The following AUNIP variants were observed in gnomAD, a reference collection of about 807,000 sequenced individuals.
AUNIP encodes aurora kinase A- and ninein-interacting protein.
Under a neutral mutation model 12.2 loss-of-function variants are expected in AUNIP, and 16 were observed. That is an observed-to-expected ratio of 1.31 (90% confidence interval 0.88 to 1.99). The LOEUF (loss-of-function observed/expected upper bound fraction) is 1.99. AUNIP is among the 30% of genes most tolerant of loss of function. AUNIP has a pLI of 0.00. For missense variants in AUNIP, 411 were observed against 419.1 expected (o/e 0.98, Z 0.17); for synonymous variants, 142 against 154.8 (o/e 0.92, Z 0.61).
chr1:25,835,773 T>G lies in AUNIP; in HGVS notation c.294A>C (p.Lys98Asn), dbSNP rs2048298037. 6.2e-7 allele frequency: 1 copy of G among 1,614,114 alleles called. No homozygotes were observed. Among genetic ancestry groups the G allele is most frequent in the African/African-American group, 1.3e-5 (1 of 74,938 alleles). The change falls in exon 3 of 3, where the codon AAA (lysine) becomes AAC (asparagine). Residue 98 changes from lysine (K) to asparagine (N), a missense_variant. Lys to Asn is a moderately conservative substitution (Grantham distance 94). Coordinates refer to ENST00000374298, the MANE Select transcript of AUNIP (RefSeq NM_024037.3). ...TESQINKESK[K>N]NATQLDHLIP... ...TCAAATGGTCTAGCTGGGTCGCATT[T>G]TTCTTGGACTCTTTGTTGATCTGAC...
At chr1:25,850,489 G>A (rs2048418265) in intron 1 of AUNIP, among the ~76,000 whole-genome samples, 1 of 152,120 alleles carries the variant, frequency 6.6e-6, no homozygotes. Context: ...TGTTGATAAG[G>A]ACTGCACTGA....
At chr1:25,854,609 AAG>A (rs149989878) in intron 1 of AUNIP, among the ~76,000 whole-genome samples, 2,578 of 152,294 alleles carry the variant, frequency 0.017, 74 homozygotes, top group African/African-American at 0.059. Context: ...TATGTTCAAA[AAG>A]GGGGAGATAA....
At position 25,835,599 on chromosome 1, in the gene AUNIP, G is replaced by A. The variant is rs1406871886; in HGVS notation, c.468C>T (p.Leu156=). 6.2e-7 allele frequency: 1 copy of A among 1,614,212 alleles called. No homozygotes were observed. The highest frequency in any genetic ancestry group is 1.1e-5 in the South Asian group (1 of 91,084). The change falls in exon 3 of 3, where the codon CTC becomes CTT. Residue 156 remains leucine (L), a synonymous_variant. Transcript: ENST00000374298. ...KTPFSTELSL[L]QPDTPDCAGD... Reference sequence around the variant, plus strand: ...CAGCACAGTCTGGAGTATCAGGCTGGAGCAAAGATAGCTCAGTTGAAAATG... The same window carrying A: ...CAGCACAGTCTGGAGTATCAGGCTGAAGCAAAGATAGCTCAGTTGAAAATG...
At chr1:25,853,299 T>A (rs368472072) in intron 1 of AUNIP, among the ~76,000 whole-genome samples, 2 of 152,308 alleles carry the variant, frequency 1.3e-5, no homozygotes, top group East Asian at 3.9e-4. Context: ...CTTAGAAGCT[T>A]AAAACAATAA....
chr1:25,844,124 T>C (rs1321078791), intron 1 of AUNIP, among the ~76,000 whole-genome samples: 2 of 152,208 alleles, frequency 1.3e-5, no homozygotes, highest in Non-Finnish European at 2.9e-5. Flanking sequence ...TATTTATTTA[T>C]GTAGACAGTT....
chr1:25,834,982 G>C lies in AUNIP; in HGVS notation c.*11C>G. 1 of 1,595,028 alleles carries C rather than the reference G, an allele frequency of 6.3e-7. No individual in the cohort carries two copies. The highest frequency in any genetic ancestry group is 8.5e-7 in the Non-Finnish European group (1 of 1,170,460). On this transcript the variant is annotated 3_prime_UTR_variant, in exon 3 of 3. Coordinates refer to ENST00000374298, the MANE Select transcript of AUNIP (RefSeq NM_024037.3). ...ATTTCAAGGTACTTTTAGAAACAAAGCTTCAAACATTTAGAATTGGTGTCT... is the reference window on the plus strand; with the variant it reads ...ATTTCAAGGTACTTTTAGAAACAAACCTTCAAACATTTAGAATTGGTGTCT...
At chr1:25,842,583 A>G (rs760099203) in intron 1 of AUNIP, among the ~76,000 whole-genome samples, 6 of 152,268 alleles carry the variant, frequency 3.9e-5, no homozygotes, top group Non-Finnish European at 7.3e-5. Flanking sequence ...ATAGTCTTAC[A>G]TAGGAAGAAG....
rs374017129 is a variant in AUNIP at position 25,835,578 on chromosome 1, A to G, written c.489T>C (p.Cys163=). ...LSLLQPDTPD[C]AGDSHTPLAF... is the part of the protein sequence containing the mutation. ...CCAGTGGGGTATGACTATCTCCAGC[A>G]CAGTCTGGAGTATCAGGCTGGAGCA... is the stretch of plus-strand genomic sequence containing the variant. Residue 163 remains cysteine, a synonymous_variant, in exon 3 of 3, where the codon TGT becomes TGC. Coordinates refer to ENST00000374298, the MANE Select transcript of AUNIP (RefSeq NM_024037.3). 1.2e-6 allele frequency: 2 copies of G among 1,614,114 alleles called. No homozygotes were observed. Among genetic ancestry groups the G allele is most frequent in the African/African-American group, 2.7e-5 (2 of 74,940 alleles).
intron 1 of AUNIP, among the ~76,000 whole-genome samples, chr1:25,840,822 T>C (rs1477469160): frequency 6.6e-6 from 1 of 152,156 alleles, no homozygotes; most frequent in Non-Finnish European, 1.5e-5. Context: ...ATCCTAGATA[T>C]GTAAAATAAT....
At chr1:25,856,312 C>T (rs1245546726) in intron 1 of AUNIP, among the ~76,000 whole-genome samples, 13 of 151,178 alleles carry the variant, frequency 8.6e-5, no homozygotes, top group East Asian at 1.9e-4. Context: ...TGCAGTGACC[C>T]GAGATCATGC....
chr1:25,837,619 A>C (rs543180844), intron 1 of AUNIP, 65 bp from the exon 2 acceptor site: 2 of 1,491,720 alleles, frequency 1.3e-6, no homozygotes, highest in Admixed American at 3.7e-5. Flanking sequence ...GTAGAGATTC[A>C]GTACACACCA....
chr1:25,839,920 C>G (rs758801930), intron 1 of AUNIP, among the ~76,000 whole-genome samples: 1 of 152,180 alleles, frequency 6.6e-6, no homozygotes, highest in Non-Finnish European at 1.5e-5. Flanking sequence ...GCCCACCTGG[C>G]CTCCCGAAGT....
chr1:25,832,174 T>G (rs2048253637), downstream of AUNIP: 16 of 1,546,074 alleles, frequency 1.0e-5, no homozygotes, highest in Non-Finnish European at 1.4e-5. Context: ...AGAGAAGAGC[T>G]GGATTATATA....
intron 1 of AUNIP, among the ~76,000 whole-genome samples, chr1:25,840,224 A>T (rs1032053125): frequency 3.3e-5 from 5 of 152,168 alleles, no homozygotes; most frequent in Admixed American, 3.3e-4. Context: ...AGAAAATAGA[A>T]GATATAAAAA....
chr1:25,834,760 CTCAT>C lies in AUNIP; in HGVS notation c.*229_*232del. 1 of 1,389,390 alleles carries C rather than the reference CTCAT, an allele frequency of 7.2e-7. No individual in the cohort carries two copies. The highest frequency in any genetic ancestry group is 9.3e-7 in the Non-Finnish European group (1 of 1,074,270). The allele number at this position is 1,389,390 out of a possible 1,614,324, so 86.1% of individuals were successfully genotyped here. On this transcript the variant is annotated 3_prime_UTR_variant, in exon 3 of 3. Transcript: ENST00000374298. Reference sequence around the variant, plus strand: ...GTGCTGCCTCAGTGTTCATCATAGACTCATTCAGGGAATTTACCAGCCACCACCT... The same window carrying C: ...GTGCTGCCTCAGTGTTCATCATAGACTCAGGGAATTTACCAGCCACCACCT...
chr1:25,835,249 G>A lies in AUNIP; in HGVS notation c.818C>T (p.Ser273Phe). The change falls in exon 3 of 3, where the codon TCC (serine) becomes TTC (phenylalanine). Residue 273 changes from serine (S) to phenylalanine (F), a missense_variant. Ser to Phe is a radical substitution (Grantham distance 155, BLOSUM62 -2). Coordinates refer to ENST00000374298, the MANE Select transcript of AUNIP (RefSeq NM_024037.3). ...KQSRSPVSVF[S>F]WDNEKNDKDS... is the part of the protein sequence containing the mutation. Reference sequence around the variant, plus strand: ...CTTGTCATTCTTTTCATTGTCCCAGGAAAACACAGAAACTGGACTACGGCT... The same window carrying A: ...CTTGTCATTCTTTTCATTGTCCCAGAAAAACACAGAAACTGGACTACGGCT... 6.2e-7 allele frequency: 1 copy of A among 1,614,178 alleles called. No individual in the cohort carries two copies. Among genetic ancestry groups the A allele is most frequent in the African/African-American group, 1.3e-5 (1 of 75,050 alleles).
At chr1:25,832,765 G>A, downstream of AUNIP, 1 of 157,348 alleles carries the variant, frequency 6.4e-6, no homozygotes. Flanking sequence ...GGGGGAAAGA[G>A]CAAACCATCT....
chr1:25,832,290 A>C, downstream of AUNIP: 1 of 1,044,960 alleles, frequency 9.6e-7, no homozygotes, highest in Non-Finnish European at 1.4e-6. Context: ...AAAGGGTAAG[A>C]GAGAAGTTGT....
At position 25,839,148 on chromosome 1, in the gene AUNIP, A is replaced by G. The variant is rs546709218; in HGVS notation, c.79-1594T>C. Among the ~76,000 whole-genome samples the G allele has an allele frequency of 8.3e-4, 127 of 152,342 alleles. 1 individual carries two copies. Among genetic ancestry groups the G allele is most frequent in the African/African-American group, 2.8e-3 (117 of 41,580 alleles). On this transcript the variant is annotated intron_variant, in intron 1 of 2. Coordinates refer to ENST00000374298, the MANE Select transcript of AUNIP (RefSeq NM_024037.3). Reference sequence around the variant, plus strand: ...GCAGTAAAGAATTGTGATCCTTGAGAAAAGGGAAACAAATAAGGTGAGCCC... The same window carrying G: ...GCAGTAAAGAATTGTGATCCTTGAGGAAAGGGAAACAAATAAGGTGAGCCC...
Sources: allele counts gnomAD v4.1 joint callset (sites outside exome capture counted in the v4.1 genomes callset), GRCh38; gene constraint gnomAD v4.1.1; transcripts MANE v1.5; gene names NCBI Gene and HGNC (gene_info 2026-07-23, HGNC 2026-07-21).